Variants in RNF31 observed in about 807,000 individuals in gnomAD.
RNF31 encodes ring finger protein 31, also known as E3 ubiquitin-protein ligase RNF31.
In RNF31, 38 loss-of-function variants were observed where a neutral mutation model predicts 133.6. That is an observed-to-expected ratio of 0.28 (90% confidence interval 0.22 to 0.37). The LOEUF (loss-of-function observed/expected upper bound fraction) is 0.37, where lower values mean the gene tolerates loss of function less well. Ranked by LOEUF, RNF31 falls within the 10% of genes least tolerant of loss-of-function variation. The probability of loss-of-function intolerance (pLI) is 1.00; values close to 1 mark genes in which losing one functional copy is unlikely to be tolerated. For synonymous variants in RNF31, 582 were observed against 552.3 expected (o/e 1.05, Z -0.75); for missense variants, 1,118 against 1,394.1 (o/e 0.80, Z 3.15).
intron 18 of RNF31, 119 bp downstream of exon 18, chr14:24,158,318 T>C: frequency 1.1e-6 from 1 of 923,244 alleles, no homozygotes; most frequent in Admixed American, 2.3e-5. Flanking sequence ...GGCAAGTTAA[T>C]TGAGACCCAA....
At chr14:24,156,185 T>C (rs67468455) in intron 14 of RNF31, among the ~76,000 whole-genome samples, 1,556 of 152,008 alleles carry the variant, frequency 0.01, 30 homozygotes, top group African/African-American at 0.036. Flanking sequence ...GAATGGCAGG[T>C]GGTCAGAGAG....
Position 24,150,144 on chromosome 14 carries a change from C to G in RNF31, c.893C>G (p.Ala298Gly). 6.2e-7 allele frequency: 1 copy of G among 1,613,192 alleles called. No individual in the cohort carries two copies. Among genetic ancestry groups the G allele is most frequent in the African/African-American group, 1.3e-5 (1 of 75,030 alleles). Residue 298 changes from alanine to glycine, a missense_variant, in exon 7 of 21, where the codon GCA becomes GGA. Around this residue, in one of 3 missense-constraint regions of RNF31, gnomAD observed 747 missense variants for 827.9 expected, o/e 0.90. Coordinates refer to ENST00000324103, the MANE Select transcript of RNF31 (RefSeq NM_017999.5). Reference protein sequence around the residue: ...GDSSLSSPNPASAHLPWHCAA... With the variant: ...GDSSLSSPNPGSAHLPWHCAA... ...AGCTCTCTTTCTTCCCCTAATCCTGCAAGTGCTCATTTGCCCTGGCACTGT... is the reference window on the plus strand; with the variant it reads ...AGCTCTCTTTCTTCCCCTAATCCTGGAAGTGCTCATTTGCCCTGGCACTGT...
Position 24,150,467 on chromosome 14 carries a change from T to C in RNF31, c.1197+19T>C. On this transcript the variant is annotated intron_variant, in intron 7 of 20. Transcript: ENST00000324103. The stretch of plus-strand genomic sequence containing the variant: ...CCTTCAGGTAACTGGCCTTCCCAGC[T>C]CTTTATCGTGTGTTACCTCAGGCAT... 2 of 1,598,402 alleles carry C rather than the reference T, an allele frequency of 1.3e-6. No homozygotes were observed. The highest frequency in any genetic ancestry group is 1.7e-6 in the Non-Finnish European group (2 of 1,170,072).
At chr14:24,157,739 C>T in intron 16 of RNF31, 101 bp downstream of exon 16, 1 of 1,163,668 alleles carries the variant, frequency 8.6e-7, no homozygotes, top group East Asian at 2.3e-5. Flanking sequence ...GAGAAGAGGT[C>T]AACGGGATGT....
rs201453918 is a variant in RNF31 at position 24,158,205 on chromosome 14, T to A, written c.2899+6T>A. The A allele has an allele frequency of 3.3e-4, 538 of 1,613,686 alleles. No homozygotes were observed. The highest frequency in any genetic ancestry group is 4.4e-4 in the Non-Finnish European group (515 of 1,179,704). ...GGCCCGGGCAGTCCCTGGAGGTGAG[T>A]GTTAGGACAAGCCTTTGAGAAGAGG... is the stretch of plus-strand genomic sequence containing the variant. On this transcript the variant is annotated splice_donor_region_variant and intron_variant, in intron 18 of 20. Transcript: ENST00000324103.
Position 24,160,405 on chromosome 14 carries a change from C to T in RNF31, c.3163C>T (p.Gln1055Ter). Residue 1055 changes from glutamine to a stop codon, truncating the protein, a stop_gained and splice_region_variant, in exon 20 of 21, where the codon CAG (glutamine) becomes TAG (stop). Coordinates refer to ENST00000324103, the MANE Select transcript of RNF31 (RefSeq NM_017999.5). LOFTEE classifies it high-confidence loss of function. The surrounding 1 kb of genome is among the most constrained non-coding windows in gnomAD (Gnocchi z 4.0). The part of the protein sequence containing the change: ...DPPAYQARLL[Q>*]KLTEEVPLGQ... ...CCCTGCTTACCAGGCCCGCTTGTTACAGGTATAGCCTCCACCCAGCCTCAT... is the reference window on the plus strand; with the variant it reads ...CCCTGCTTACCAGGCCCGCTTGTTATAGGTATAGCCTCCACCCAGCCTCAT... The T allele has an allele frequency of 6.2e-7, 1 of 1,613,532 alleles. No individual in the cohort carries two copies. Among genetic ancestry groups the T allele is most frequent in the Non-Finnish European group, 8.5e-7 (1 of 1,179,546 alleles).
In RNF31 at chr14:24,160,155, A is replaced by G; in HGVS notation, c.2997-84A>G. The G allele has an allele frequency of 1.3e-6, 2 of 1,486,966 alleles. No homozygotes were observed. The highest frequency in any genetic ancestry group is 1.8e-6 in the Non-Finnish European group (2 of 1,094,450). 92.1% of individuals were successfully genotyped at this position (1,486,966 alleles called of 1,614,324 possible). A position where few individuals can be genotyped will look rare whatever the true frequency, so the allele number is the denominator to read the frequency against. ...GGTGGGTTGTTAATCTTGTTCGTCCAGGTGTCTCAGAGTCCAGCTATGTTA... is the reference window on the plus strand; with the variant it reads ...GGTGGGTTGTTAATCTTGTTCGTCCGGGTGTCTCAGAGTCCAGCTATGTTA... On this transcript the variant is annotated intron_variant, in intron 19 of 20. Coordinates refer to ENST00000324103, the MANE Select transcript of RNF31 (RefSeq NM_017999.5). The surrounding 1 kb of genome is among the most constrained non-coding windows in gnomAD (Gnocchi z 4.0).
chr14:24,151,747 C>CT lies in RNF31; in HGVS notation c.1924-38dup. On this transcript the variant is annotated intron_variant, in intron 10 of 20. Transcript: ENST00000324103. This position sits in a 1 kb window ranked among gnomAD's most constrained non-coding sequence, Gnocchi z 5.3. ...AGCTGAGGGGAAGGGTCCCTGGAGT[C>CT]TGACAGCACTTCCCCCCTCCACCTG... The CT allele has an allele frequency of 6.3e-7, 1 of 1,599,516 alleles. No individual in the cohort carries two copies. Among genetic ancestry groups the CT allele is most frequent in the African/African-American group, 1.3e-5 (1 of 74,760 alleles).
chr14:24,155,206 G>A lies in RNF31; in HGVS notation c.2180G>A (p.Arg727His), dbSNP rs202024003. 12 of 1,613,964 alleles carry A rather than the reference G, an allele frequency of 7.4e-6. No homozygotes were observed. Among genetic ancestry groups the A allele is most frequent in the African/African-American group, 1.3e-5 (1 of 74,944 alleles). Residue 727 changes from arginine to histidine, a missense_variant, in exon 12 of 21, where the codon CGC (arginine) becomes CAC (histidine). Physicochemically the swap from Arg to His is conservative, Grantham distance 29. Coordinates refer to ENST00000324103, the MANE Select transcript of RNF31 (RefSeq NM_017999.5). The surrounding 1 kb of genome is among the most constrained non-coding windows in gnomAD (Gnocchi z 4.9). ...CECTICPDCF[R>H]QHFTIALKEK... ...TGCACCATCTGTCCTGACTGCTTCCGCCAGCACTTCACCATCGCCTTGAAG... is the reference window on the plus strand; with the variant it reads ...TGCACCATCTGTCCTGACTGCTTCCACCAGCACTTCACCATCGCCTTGAAG...
Position 24,150,413 on chromosome 14 carries a change from T to C in RNF31, c.1162T>C (p.Ser388Pro), listed in dbSNP as rs1382942802. Residue 388 changes from serine to proline, a missense_variant, in exon 7 of 21, where the codon TCC becomes CCC. Ser to Pro is a moderately conservative substitution (Grantham distance 74). Transcript: ENST00000324103. Reference sequence around the variant, plus strand: ...CCAGCCTCCCAGCTTGGTGGTGGATTCCCGAGATGCTGGCATTTGCCTGCA... The same window carrying C: ...CCAGCCTCCCAGCTTGGTGGTGGATCCCCGAGATGCTGGCATTTGCCTGCA... ...LAQPPSLVVDSRDAGICLQPL... is the reference protein window; with the variant it reads ...LAQPPSLVVDPRDAGICLQPL... 3 of 1,612,542 alleles carry C rather than the reference T, an allele frequency of 1.9e-6. No homozygotes were observed. The South Asian group carries it at 3.3e-5, about 18-fold the overall frequency.
Position 24,158,188 on chromosome 14 carries a change from C to T in RNF31, c.2888C>T (p.Ala963Val). 6.2e-7 allele frequency: 1 copy of T among 1,614,198 alleles called. No homozygotes were observed. Among genetic ancestry groups the T allele is most frequent in the Non-Finnish European group, 8.5e-7 (1 of 1,180,012 alleles). ...ACAGAGCCTCCAGCTGGGGCCCGGG[C>T]AGTCCCTGGAGGTGAGTGTTAGGAC... The part of the protein sequence containing the change: ...FNTEPPAGAR[A>V]VPGGGCRVIE... Residue 963 changes from alanine to valine, a missense_variant, in exon 18 of 21, where the codon GCA becomes GTA. By Grantham distance (64) the Ala-to-Val change is moderately conservative. Coordinates refer to ENST00000324103, the MANE Select transcript of RNF31 (RefSeq NM_017999.5).
Position 24,160,225 on chromosome 14 carries a change from C to T in RNF31, c.2997-14C>T, listed in dbSNP as rs1349008282. 2 of 1,605,162 alleles carry T rather than the reference C, an allele frequency of 1.2e-6. No individual in the cohort carries two copies. Among genetic ancestry groups the T allele is most frequent in the African/African-American group, 2.7e-5 (2 of 74,800 alleles). On this transcript the variant is annotated splice_polypyrimidine_tract_variant and intron_variant, in intron 19 of 20. Transcript: ENST00000324103. The surrounding 1 kb of genome is among the most constrained non-coding windows in gnomAD (Gnocchi z 4.0). Reference sequence around the variant, plus strand: ...AGCCAACACAACAAATATTCTGCTCCCTTTTCTCCCCAGGGCACACTACAA... The same window carrying T: ...AGCCAACACAACAAATATTCTGCTCTCTTTTCTCCCCAGGGCACACTACAA...
rs369538123 is a variant in RNF31, at chr14:24,151,487, G to T, written c.1740G>T (p.Val580=). The T allele has an allele frequency of 6.2e-7, 1 of 1,614,034 alleles. No homozygotes were observed. The highest frequency in any genetic ancestry group is 1.3e-5 in the African/African-American group (1 of 74,940). The change falls in exon 10 of 21, where the codon GTG becomes GTT. Residue 580 remains valine, a splice_region_variant and synonymous_variant. Transcript: ENST00000324103. The surrounding 1 kb of genome is among the most constrained non-coding windows in gnomAD (Gnocchi z 5.3). ...CCCTTGCCACTCCCATCTTGCAGGT[G>T]CAGGAGCTCCAGTCTCTAGGCTTTG... is the stretch of plus-strand genomic sequence containing the variant. The part of the protein sequence containing the change: ...EECVRTRRRK[V]QELQSLGFGP...
Position 24,150,596 on chromosome 14 carries a change from A to G in RNF31, c.1198-2A>G. 6.2e-7 allele frequency: 1 copy of G among 1,605,584 alleles called. No homozygotes were observed. The highest frequency in any genetic ancestry group is 2.2e-5 in the East Asian group (1 of 44,622). ...AAGGGATAATTCTCTCTGCCTTCCC[A>G]GCAGGGGGATGCTTTGCTGGCCTCT... On this transcript the variant is annotated splice_acceptor_variant, in intron 7 of 20. Coordinates refer to ENST00000324103, the MANE Select transcript of RNF31 (RefSeq NM_017999.5). LOFTEE classifies it high-confidence loss of function.
At chr14:24,153,955 A>G (rs1226889616) in intron 11 of RNF31, among the ~76,000 whole-genome samples, 1 of 152,210 alleles carries the variant, frequency 6.6e-6, no homozygotes, top group Non-Finnish European at 1.5e-5. Flanking sequence ...AGTTTCAAAA[A>G]TAGTGCATAG....
Position 24,155,727 on chromosome 14 carries a change from G to A in RNF31, c.2493+35G>A, listed in dbSNP as rs1480423271. 1.3e-6 allele frequency: 2 copies of A among 1,575,198 alleles called. No homozygotes were observed. Among genetic ancestry groups the A allele is most frequent in the East Asian group, 4.5e-5 (2 of 44,722 alleles). ...ATTCATCCTTTCAGAAATACTTGCT[G>A]AGCTACTGCCAGGTACTGTGTTAGA... is the stretch of plus-strand genomic sequence containing the variant. On this transcript the variant is annotated intron_variant, in intron 14 of 20. Transcript: ENST00000324103. This position sits in a 1 kb window ranked among gnomAD's most constrained non-coding sequence, Gnocchi z 4.9.
Position 24,148,267 on chromosome 14 carries a change from G to A in RNF31, c.349G>A (p.Asp117Asn). The change falls in exon 3 of 21, where the codon GAT (aspartate) becomes AAT (asparagine). Residue 117 changes from aspartate (D) to asparagine (N), a missense_variant. By Grantham distance (23) the Asp-to-Asn change is conservative. Coordinates refer to ENST00000324103, the MANE Select transcript of RNF31 (RefSeq NM_017999.5). ...TTTGAATGTGTGGCAGGGGGGCCGA[G>A]ATGTGCTGCGATTATATGGCTACAC... is the stretch of plus-strand genomic sequence containing the variant. ...STVDAVQGGR[D>N]VLRLYGYTEE... The A allele has an allele frequency of 1.2e-6, 2 of 1,614,174 alleles. No individual in the cohort carries two copies. Among genetic ancestry groups the A allele is most frequent in the Non-Finnish European group, 1.7e-6 (2 of 1,180,032 alleles).
At chr14:24,158,893 C>T (rs578107508) in intron 18 of RNF31, among the ~76,000 whole-genome samples, 109 of 151,582 alleles carry the variant, frequency 7.2e-4, no homozygotes, top group East Asian at 4.3e-3. Flanking sequence ...ATTAGCCGGG[C>T]GTGGTGGCGG....
chr14:24,151,764 C>T lies in RNF31; in HGVS notation c.1924-22C>T. 3 of 1,601,616 alleles carry T rather than the reference C, an allele frequency of 1.9e-6. No individual in the cohort carries two copies. The highest frequency in any genetic ancestry group is 2.6e-6 in the Non-Finnish European group (3 of 1,172,780). On this transcript the variant is annotated intron_variant, in intron 10 of 20. Transcript: ENST00000324103. This position sits in a 1 kb window ranked among gnomAD's most constrained non-coding sequence, Gnocchi z 5.3. ...CCTGGAGTCTGACAGCACTTCCCCC[C>T]TCCACCTGAATCATATTGCAGAGCC...
Sources: allele counts gnomAD v4.1 joint callset (sites outside exome capture counted in the v4.1 genomes callset), GRCh38; gene constraint gnomAD v4.1.1; regional missense constraint gnomAD v4.1.1; non-coding constraint Gnocchi (gnomAD v3.1); transcripts MANE v1.5; gene names NCBI Gene and HGNC (gene_info 2026-07-23, HGNC 2026-07-21).